The following MED12L variants were observed in gnomAD, a reference collection of about 807,000 sequenced individuals.
The protein encoded by MED12L is mediator of RNA polymerase II transcription subunit 12-like protein.
Under a neutral mutation model 281.3 loss-of-function variants are expected in MED12L, and 60 were observed. The observed-to-expected ratio is 0.21, with a 90% CI of 0.17 to 0.26. The LOEUF is 0.26. MED12L is among the 10% of genes least tolerant of loss of function. The pLI, the probability that MED12L is intolerant of heterozygous loss-of-function variation, is 1.00. For missense variants in MED12L, 2,146 were observed against 2,680.9 expected, an observed-to-expected ratio of 0.80 and a Z score of 4.41; for synonymous variants, 974 against 987.2, an observed-to-expected ratio of 0.99 and a Z score of 0.25.
intron 16 of MED12L, chr3:151,212,191 G>A (rs1727281210): frequency 6.6e-6 from 1 of 152,116 alleles, no homozygotes. Flanking sequence ...TTATAAAAAT[G>A]TTTTGAAAGA....
chr3:151,179,223 C>T (rs567230555), intron 11 of MED12L, among the ~76,000 whole-genome samples: 7 of 152,154 alleles, frequency 4.6e-5, no homozygotes, highest in Admixed American at 2.0e-4. Context: ...ACCTGTAACA[C>T]CAACTACTTT....
At chr3:151,207,466 G>A (rs1260655334) in intron 16 of MED12L, among the ~76,000 whole-genome samples, 1 of 151,142 alleles carries the variant, frequency 6.6e-6, no homozygotes, top group Non-Finnish European at 1.5e-5. Flanking sequence ...CATGCTTGGG[G>A]GATGACACAG....
intron 5 of MED12L, among the ~76,000 whole-genome samples, chr3:151,151,776 G>C (rs1718557264): frequency 6.6e-6 from 1 of 152,094 alleles, no homozygotes; most frequent in South Asian, 2.1e-4. Flanking sequence ...TAACTGAAAA[G>C]TTTGAAACGT....
intron 16 of MED12L, among the ~76,000 whole-genome samples, chr3:151,315,955 C>G (rs533576862): frequency 5.9e-4 from 90 of 152,330 alleles, no homozygotes; most frequent in African/African-American, 2.1e-3. Flanking sequence ...GATCTCCATG[C>G]TTGCTTCTTG....
chr3:151,201,543 C>T (rs1034316670), intron 16 of MED12L, among the ~76,000 whole-genome samples: 1 of 152,188 alleles, frequency 6.6e-6, no homozygotes, highest in Non-Finnish European at 1.5e-5. Context: ...GTGTGTTCCT[C>T]AAGCTTTCAC....
chr3:151,263,326 T>C (rs1739250187), intron 16 of MED12L, among the ~76,000 whole-genome samples: 1 of 152,230 alleles, frequency 6.6e-6, no homozygotes, highest in Admixed American at 6.5e-5. Flanking sequence ...TGTGAGCATC[T>C]GTTTCATTTT....
At chr3:151,125,726 C>G (rs1714413882) in intron 4 of MED12L, among the ~76,000 whole-genome samples, 1 of 152,176 alleles carries the variant, frequency 6.6e-6, no homozygotes, top group African/African-American at 2.4e-5. Context: ...TTTCTTGTCC[C>G]TGACTTAAAT....
chr3:151,276,120 T>C (rs987640008), intron 16 of MED12L, among the ~76,000 whole-genome samples: 1 of 152,182 alleles, frequency 6.6e-6, no homozygotes, highest in Non-Finnish European at 1.5e-5. Context: ...AGACAACAGG[T>C]GAAAACTGGA....
Position 151,206,010 on chromosome 3 carries a change from C to T in MED12L, c.2250+12344C>T, listed in dbSNP as rs188161371. On this transcript the variant is annotated intron_variant, in intron 16 of 44. Transcript: ENST00000687756. The stretch of plus-strand genomic sequence containing the variant: ...GTCACTTCTGCCACAGCCTGTGCAA[C>T]TCCAGTTCAGCCCTCTCTCTATAGC... Among the ~76,000 whole-genome samples, 211 of 151,884 alleles carry T rather than the reference C, an allele frequency of 1.4e-3. 2 individuals are homozygous for T. Among genetic ancestry groups the T allele is most frequent in the Admixed American group, 4.3e-3 (66 of 15,248 alleles).
chr3:151,238,485 A>G (rs1300008021), intron 16 of MED12L, among the ~76,000 whole-genome samples: 2 of 152,250 alleles, frequency 1.3e-5, no homozygotes, highest in East Asian at 1.9e-4. Flanking sequence ...GCAGAACCAC[A>G]GGGGTTCCTG....
At chr3:151,163,250 G>A (rs1247481121) in intron 8 of MED12L, among the ~76,000 whole-genome samples, 8 of 151,954 alleles carry the variant, frequency 5.3e-5, no homozygotes, top group Non-Finnish European at 1.2e-4. Flanking sequence ...AGTGTCTAGG[G>A]CGAGGGAGAT....
chr3:151,348,476 T>C (rs1240990906), intron 16 of MED12L, among the ~76,000 whole-genome samples: 1 of 152,090 alleles, frequency 6.6e-6, no homozygotes, highest in Non-Finnish European at 1.5e-5. Context: ...GCTTATGTCA[T>C]TTGTATCCTA....
intron 16 of MED12L, among the ~76,000 whole-genome samples, chr3:151,196,808 G>T (rs1724729763): frequency 6.6e-6 from 1 of 152,184 alleles, no homozygotes; most frequent in Admixed American, 6.5e-5. Flanking sequence ...TGCAGAGTCA[G>T]AATATTTTTA....
chr3:151,254,726 C>G (rs1737503123), intron 16 of MED12L, among the ~76,000 whole-genome samples: 1 of 152,184 alleles, frequency 6.6e-6, no homozygotes, highest in Admixed American at 6.5e-5. Flanking sequence ...ACTCAACAGG[C>G]AGAGGAGATT....
At position 151,325,695 on chromosome 3, in the gene MED12L, A is replaced by G. The variant is rs1455853432; in HGVS notation, c.2251-24364A>G. Among the ~76,000 whole-genome samples, 5 of 152,208 alleles carry G rather than the reference A, an allele frequency of 3.3e-5. No individual in the cohort carries two copies. The East Asian group carries it at 9.6e-4, about 29-fold the overall frequency. Reference sequence around the variant, plus strand: ...ATAATGGAATGAAATATTTGTATTTATGGATGACAGATTTGGTCTTGGAAT... The same window carrying G: ...ATAATGGAATGAAATATTTGTATTTGTGGATGACAGATTTGGTCTTGGAAT... On this transcript the variant is annotated intron_variant, in intron 16 of 44. Transcript: ENST00000687756.
chr3:151,375,998 G>A, intron 27 of MED12L, 28 bp from the exon 28 acceptor site: 3 of 1,316,258 alleles, frequency 2.3e-6, no homozygotes, highest in Non-Finnish European at 3.1e-6. Context: ...GCCAGTGCCT[G>A]TCAATCTAAT....
intron 16 of MED12L, among the ~76,000 whole-genome samples, chr3:151,194,119 C>T (rs554257058): frequency 6.6e-6 from 1 of 152,004 alleles, no homozygotes; most frequent in Non-Finnish European, 1.5e-5. Context: ...GCACCTGCCA[C>T]CACGCCTGGC....
intron 33 of MED12L, among the ~76,000 whole-genome samples, chr3:151,383,048 A>G (rs1046871843): frequency 1.3e-5 from 2 of 152,230 alleles, no homozygotes; most frequent in African/African-American, 4.8e-5. Context: ...GAAGACTGTT[A>G]TAAGTGTTAG....
intron 16 of MED12L, among the ~76,000 whole-genome samples, chr3:151,218,723 C>T (rs1157618840): frequency 1.3e-5 from 2 of 151,414 alleles, no homozygotes; most frequent in African/African-American, 4.9e-5. Flanking sequence ...AAAAATTAGC[C>T]AGGTGTGGTG....
Sources: gnomAD v4.1 joint callset for allele counts (sites outside exome capture counted in the v4.1 genomes callset) on GRCh38, gnomAD v4.1.1 for gene constraint, MANE v1.5 for transcripts, NCBI Gene and HGNC (gene_info 2026-07-23, HGNC 2026-07-21) for gene names.